Variants in CNTNAP2 observed in about 807,000 individuals in gnomAD.
CNTNAP2 encodes the protein contactin associated protein 2, also known as contactin-associated protein-like 2.
A neutral mutation model predicts 155.2 loss-of-function variants in CNTNAP2; 98 were observed. The observed-to-expected ratio is 0.63, with a 90% CI of 0.54 to 0.75. The LOEUF (loss-of-function observed/expected upper bound fraction) is 0.75, where lower values mean the gene tolerates loss of function less well. Ranked by LOEUF, CNTNAP2 falls within the 30% of genes least tolerant of loss-of-function variation. CNTNAP2 has a pLI of 0.00. For synonymous variants in CNTNAP2, 651 were observed against 631.2 expected (o/e 1.03, Z -0.47); for missense variants, 1,727 against 1,688.1 (o/e 1.02, Z -0.40).
chr7:148,032,717 G>A (rs933866977), intron 15 of CNTNAP2, among the ~76,000 whole-genome samples: 5 of 152,154 alleles, frequency 3.3e-5, no homozygotes, highest in African/African-American at 1.2e-4. Context: ...TGGGCGCTAA[G>A]CAGAAGAGAG....
intron 8 of CNTNAP2, among the ~76,000 whole-genome samples, chr7:147,197,646 A>G (rs1165630294): frequency 1.3e-5 from 2 of 152,208 alleles, no homozygotes; most frequent in Non-Finnish European, 2.9e-5. Context: ...AAGATGGAGA[A>G]TATCCAGTAA....
At chr7:146,344,612 G>T (rs1433251046) in intron 1 of CNTNAP2, among the ~76,000 whole-genome samples, 1 of 151,818 alleles carries the variant, frequency 6.6e-6, no homozygotes, top group Non-Finnish European at 1.5e-5. Context: ...CCAAATAGCT[G>T]GGACTACAGG....
At chr7:147,732,500 T>C (rs1269368068) in intron 13 of CNTNAP2, among the ~76,000 whole-genome samples, 1 of 152,104 alleles carries the variant, frequency 6.6e-6, no homozygotes, top group Admixed American at 6.5e-5. Context: ...TAAACATACA[T>C]GTGCATGTGT....
intron 20 of CNTNAP2, among the ~76,000 whole-genome samples, chr7:148,265,264 T>C (rs996500165): frequency 6.6e-6 from 1 of 152,102 alleles, no homozygotes; most frequent in African/African-American, 2.4e-5. Context: ...CTGAACGGAA[T>C]AAGTGTTTTT....
intron 1 of CNTNAP2, among the ~76,000 whole-genome samples, chr7:146,605,668 T>C (rs1253729717): frequency 6.6e-6 from 1 of 152,182 alleles, no homozygotes; most frequent in East Asian, 1.9e-4. Flanking sequence ...ATTATTTTAA[T>C]TATTAGCATT....
chr7:147,061,137 T>C (rs1000279258), intron 4 of CNTNAP2, among the ~76,000 whole-genome samples: 7 of 145,626 alleles, frequency 4.8e-5, no homozygotes, highest in African/African-American at 1.9e-4. Context: ...AGAGGAAATG[T>C]AGAATTACTA....
At chr7:148,027,349 G>C (rs1285543568) in intron 15 of CNTNAP2, among the ~76,000 whole-genome samples, 1 of 152,138 alleles carries the variant, frequency 6.6e-6, no homozygotes, top group African/African-American at 2.4e-5. Flanking sequence ...GGCTTCTCCT[G>C]CTGTCTGAAT....
At chr7:146,918,193 G>C (rs1041250551) in intron 3 of CNTNAP2, among the ~76,000 whole-genome samples, 3 of 152,252 alleles carry the variant, frequency 2.0e-5, no homozygotes, top group African/African-American at 7.2e-5. Context: ...TTAGTATTGA[G>C]AGGTGAGGTA....
At chr7:146,794,571 G>A (rs888776853) in intron 2 of CNTNAP2, among the ~76,000 whole-genome samples, 9 of 152,188 alleles carry the variant, frequency 5.9e-5, no homozygotes, top group African/African-American at 2.2e-4. Flanking sequence ...AGTCATGGGG[G>A]TAGGTATGAT....
At chr7:146,390,952 A>G (rs1795533291) in intron 1 of CNTNAP2, among the ~76,000 whole-genome samples, 1 of 149,462 alleles carries the variant, frequency 6.7e-6, no homozygotes, top group African/African-American at 2.4e-5. Flanking sequence ...CTGTAGTCCC[A>G]GCTACTCAGG....
intron 14 of CNTNAP2, among the ~76,000 whole-genome samples, chr7:147,927,709 A>G (rs1173549573): frequency 6.6e-6 from 1 of 152,234 alleles, no homozygotes; most frequent in Non-Finnish European, 1.5e-5. Context: ...ATAAATACAG[A>G]AAAGTTCTTT....
chr7:147,918,797 C>A (rs931180572), intron 14 of CNTNAP2, among the ~76,000 whole-genome samples: 5 of 152,194 alleles, frequency 3.3e-5, no homozygotes, highest in Non-Finnish European at 5.9e-5. Flanking sequence ...TTGTCCCTGT[C>A]AGCCCTGGGA....
Position 148,241,714 on chromosome 7 carries a change from T to G in CNTNAP2, c.3381+11935T>G, listed in dbSNP as rs145287419. Among the ~76,000 whole-genome samples the G allele has an allele frequency of 3.4e-4, 52 of 152,236 alleles. No homozygotes were observed. In the East Asian group the frequency reaches 0.01, roughly 29 times the overall value. On this transcript the variant is annotated intron_variant, in intron 20 of 23. Transcript: ENST00000361727. ...CCCTTCATAAAAATTATACAGAAAA[T>G]ATGTTAAGAAAATAAGTTCTAAGCC...
At chr7:146,925,935 C>T (rs967944640) in intron 3 of CNTNAP2, among the ~76,000 whole-genome samples, 2 of 151,924 alleles carry the variant, frequency 1.3e-5, no homozygotes, top group Non-Finnish European at 2.9e-5. Context: ...ATCTCTGGGT[C>T]CCTCTACTTC....
intron 13 of CNTNAP2, among the ~76,000 whole-genome samples, chr7:147,690,795 C>T (rs1307100323): frequency 1.3e-5 from 2 of 152,004 alleles, no homozygotes; most frequent in Non-Finnish European, 2.9e-5. Context: ...TAATCATCCA[C>T]TTTGAGTTGT....
At chr7:147,769,288 C>A (rs1046320525) in intron 13 of CNTNAP2, among the ~76,000 whole-genome samples, 6 of 152,050 alleles carry the variant, frequency 3.9e-5, no homozygotes, top group African/African-American at 1.4e-4. Context: ...AGAATTCGCC[C>A]CTTCTGAACA....
intron 1 of CNTNAP2, among the ~76,000 whole-genome samples, chr7:146,713,548 C>T (rs992104022): frequency 1.3e-5 from 2 of 152,178 alleles, no homozygotes; most frequent in African/African-American, 4.8e-5. Context: ...CCAACCACCT[C>T]ACCTGCAATC....
chr7:146,350,723 T>G (rs920094709), intron 1 of CNTNAP2, among the ~76,000 whole-genome samples: 2 of 152,128 alleles, frequency 1.3e-5, no homozygotes, highest in African/African-American at 2.4e-5. Context: ...TAAAGACACA[T>G]GCACACGTAT....
chr7:147,076,083 AGTAAACATAC>A (rs775207630), intron 4 of CNTNAP2, among the ~76,000 whole-genome samples: 111 of 152,340 alleles, frequency 7.3e-4, no homozygotes, highest in Middle Eastern at 6.8e-3. Context: ...ATAGTGCTGC[AGTAAACATAC>A]GTGTGCAAGT....
Sources: gnomAD v4.1 joint callset for allele counts (sites outside exome capture counted in the v4.1 genomes callset) on GRCh38, gnomAD v4.1.1 for gene constraint, MANE v1.5 for transcripts, NCBI Gene and HGNC (gene_info 2026-07-23, HGNC 2026-07-21) for gene names.